Variants in ZDHHC14 observed in about 807,000 individuals in gnomAD.
ZDHHC14 encodes palmitoyltransferase ZDHHC14.
In ZDHHC14, 16 loss-of-function variants were observed where a neutral mutation model predicts 47.7. That is an observed-to-expected ratio of 0.34 (90% CI 0.23 to 0.51). The LOEUF (loss-of-function observed/expected upper bound fraction) is 0.51, where lower values mean the gene tolerates loss of function less well. ZDHHC14 is among the 20% of genes least tolerant of loss of function. The pLI is 0.97. For synonymous variants in ZDHHC14, 293 were observed against 278.9 expected (o/e 1.05, Z -0.50); for missense variants, 515 against 662.5 (o/e 0.78, Z 2.44).
At chr6:157,576,112 A>G (rs140627839) in intron 2 of ZDHHC14, among the ~76,000 whole-genome samples, 2,092 of 152,310 alleles carry the variant, frequency 0.014, 60 homozygotes, top group African/African-American at 0.047. Context: ...AACTGCCCAA[A>G]TGAGCCCTTC....
At chr6:157,598,280 A>AG (rs555590562) in intron 3 of ZDHHC14, among the ~76,000 whole-genome samples, 6 of 152,102 alleles carry the variant, frequency 3.9e-5, no homozygotes, top group African/African-American at 1.4e-4. Context: ...GGGTATGATG[A>AG]GGGGGCTATT....
intron 1 of ZDHHC14, among the ~76,000 whole-genome samples, chr6:157,481,984 C>A (rs956909546): frequency 6.6e-6 from 1 of 152,192 alleles, no homozygotes; most frequent in African/African-American, 2.4e-5. Context: ...AAGACTTGAG[C>A]TCAGAGAGTA....
intron 2 of ZDHHC14, among the ~76,000 whole-genome samples, chr6:157,550,898 T>A: frequency 6.6e-6 from 1 of 152,304 alleles, no homozygotes; most frequent in Admixed American, 6.5e-5. Context: ...ACACAGAATA[T>A]ACTGTGATTA....
Position 157,676,709 on chromosome 6 carries a change from G to A in ZDHHC14, c.*3587G>A, listed in dbSNP as rs910515070. On this transcript the variant is annotated 3_prime_UTR_variant, in exon 9 of 9. Transcript: ENST00000359775. ...ACCAGAACTGGTCAGAGACTTTGAA[G>A]GGCACAGCCTGGCGGGCTACTCCCC... The A allele has an allele frequency of 1.3e-5, 2 of 152,294 alleles. No homozygotes were observed. Among genetic ancestry groups the A allele is most frequent in the African/African-American group, 4.8e-5 (2 of 41,460 alleles). 9.4% of individuals were successfully genotyped at this position (152,294 alleles called of 1,614,324 possible). A position where few individuals can be genotyped will look rare whatever the true frequency, so the allele number is the denominator to read the frequency against.
chr6:157,607,900 A>G (rs1189631268), intron 3 of ZDHHC14, among the ~76,000 whole-genome samples: 2 of 152,156 alleles, frequency 1.3e-5, no homozygotes, highest in Admixed American at 1.3e-4. Context: ...TATCACATCC[A>G]TTTCTATTGA....
chr6:157,631,446 C>G (rs2114957925), intron 4 of ZDHHC14: 1 of 152,354 alleles, frequency 6.6e-6, no homozygotes, highest in Middle Eastern at 3.4e-3. Context: ...ACCCCCACGA[C>G]ACGACCCCAC....
chr6:157,636,053 A>G (rs1202207430), intron 5 of ZDHHC14, among the ~76,000 whole-genome samples: 3 of 152,144 alleles, frequency 2.0e-5, no homozygotes, highest in Admixed American at 6.5e-5. Flanking sequence ...CAGGGCAGCC[A>G]CAGCCTGCTG....
rs1777385317 is a variant in ZDHHC14, at chr6:157,643,877, C to T, written c.753-1860C>T. 4.0e-5 allele frequency among the ~76,000 whole-genome samples: 6 copies of T among 151,762 alleles called. No individual in the cohort carries two copies. In the South Asian group the frequency reaches 1.0e-3, roughly 26 times the overall value. On this transcript the variant is annotated intron_variant, in intron 5 of 8. Coordinates refer to ENST00000359775, the MANE Select transcript of ZDHHC14 (RefSeq NM_024630.3). The stretch of plus-strand genomic sequence containing the variant: ...GTTATATGCATTTTGACTTTGCCAT[C>T]ATTCTACCTGGGTCGTAAACTCTTG...
At chr6:157,488,004 A>G (rs1345802834) in intron 1 of ZDHHC14, among the ~76,000 whole-genome samples, 2 of 151,426 alleles carry the variant, frequency 1.3e-5, no homozygotes, top group East Asian at 3.9e-4. Context: ...ATGGCTGTGG[A>G]CTCTTTCTCA....
At chr6:157,607,580 T>G (rs1385593580) in intron 3 of ZDHHC14, among the ~76,000 whole-genome samples, 1 of 152,176 alleles carries the variant, frequency 6.6e-6, no homozygotes, top group African/African-American at 2.4e-5. Flanking sequence ...TTTAACCCTT[T>G]CATTGCAAAG....
At chr6:157,471,276 T>C (rs113993777) in intron 1 of ZDHHC14, among the ~76,000 whole-genome samples, 2,965 of 152,284 alleles carry the variant, frequency 0.019, 43 homozygotes, top group Non-Finnish European at 0.023. Flanking sequence ...CAGGAGGGGC[T>C]CAAAGATGTG....
chr6:157,614,857 G>A (rs1784903279), intron 3 of ZDHHC14, among the ~76,000 whole-genome samples: 1 of 151,180 alleles, frequency 6.6e-6, no homozygotes, highest in Non-Finnish European at 1.5e-5. Flanking sequence ...TGTAACCTCT[G>A]CTTCCCAGGT....
chr6:157,510,717 C>A (rs989244731), intron 1 of ZDHHC14, among the ~76,000 whole-genome samples: 1 of 152,214 alleles, frequency 6.6e-6, no homozygotes, highest in East Asian at 1.9e-4. Flanking sequence ...AGAGGAAGCG[C>A]GGATGAGCGA....
chr6:157,503,941 T>G (rs1025048376), intron 1 of ZDHHC14, among the ~76,000 whole-genome samples: 1 of 152,194 alleles, frequency 6.6e-6, no homozygotes, highest in Non-Finnish European at 1.5e-5. Context: ...AGAATGCACA[T>G]CTACCCTCTG....
intron 1 of ZDHHC14, among the ~76,000 whole-genome samples, chr6:157,435,728 C>T (rs1279793340): frequency 6.6e-6 from 1 of 152,074 alleles, no homozygotes; most frequent in Non-Finnish European, 1.5e-5. Flanking sequence ...TTTGTAGAGA[C>T]ACTGTTTTGC....
intron 1 of ZDHHC14, among the ~76,000 whole-genome samples, chr6:157,533,252 T>C (rs957507297): frequency 2.6e-5 from 4 of 152,154 alleles, no homozygotes; most frequent in Non-Finnish European, 4.4e-5. Context: ...ACGTCCTCAT[T>C]GCATTGAGCT....
At chr6:157,421,706 CA>C (rs1361005157) in intron 1 of ZDHHC14, among the ~76,000 whole-genome samples, 1 of 151,968 alleles carries the variant, frequency 6.6e-6, no homozygotes, top group Admixed American at 6.5e-5. Flanking sequence ...CTCCTGCGTT[CA>C]AGCAATTCTC....
intron 1 of ZDHHC14, among the ~76,000 whole-genome samples, chr6:157,397,715 C>T (rs1045591196): frequency 6.6e-6 from 1 of 152,104 alleles, no homozygotes; most frequent in Non-Finnish European, 1.5e-5. Context: ...TTTGGGGGAA[C>T]GTTATTCTCC....
At chr6:157,609,635 A>G (rs1273895037) in intron 3 of ZDHHC14, among the ~76,000 whole-genome samples, 1 of 152,256 alleles carries the variant, frequency 6.6e-6, no homozygotes, top group East Asian at 1.9e-4. Flanking sequence ...TCCATCTTCC[A>G]TTCTGCTCTG....
Sources: gnomAD v4.1 joint callset for allele counts (sites outside exome capture counted in the v4.1 genomes callset) on GRCh38, gnomAD v4.1.1 for gene constraint, MANE v1.5 for transcripts, NCBI Gene and HGNC (gene_info 2026-07-23, HGNC 2026-07-21) for gene names.